PCDHGB6: variants seen among roughly 807,000 people sequenced by gnomAD.
The protein encoded by PCDHGB6 is protocadherin gamma-B6.
PCDHGB6 carries 51 observed loss-of-function variants against 59.1 expected under a neutral mutation model. The ratio of observed to expected loss-of-function variants is 0.86; its 90% CI spans 0.69 to 1.09. The LOEUF (loss-of-function observed/expected upper bound fraction) is 1.09. PCDHGB6 is among the 50% of genes least tolerant of loss of function. PCDHGB6 has a pLI of 0.00. For synonymous variants in PCDHGB6, 466 were observed against 495.1 expected, an observed-to-expected ratio of 0.94 and a Z score of 0.78; for missense variants, 1,148 against 1,205.1, an observed-to-expected ratio of 0.95 and a Z score of 0.70.
rs759191157 is a variant in PCDHGB6, at chr5:141,485,768, C to T, written c.2419-9039C>T. Reference sequence around the variant, plus strand: ...GGTCCCAGAGCTGCTCCTGGAGAAGCCTTTGGATCGAGAGAAGCAATCGGA... The same window carrying T: ...GGTCCCAGAGCTGCTCCTGGAGAAGTCTTTGGATCGAGAGAAGCAATCGGA... On this transcript the variant is annotated intron_variant, in intron 1 of 3. Transcript: ENST00000520790. This position sits in a 1 kb window ranked among gnomAD's most constrained non-coding sequence, Gnocchi z 5.7. The T allele has an allele frequency of 5.6e-6, 9 of 1,614,074 alleles. No individual in the cohort carries two copies. The highest frequency in any genetic ancestry group is 1.7e-5 in the Admixed American group (1 of 60,000).
chr5:141,422,575 C>G, intron 1 of PCDHGB6: 1 of 1,613,976 alleles, frequency 6.2e-7, no homozygotes, highest in Non-Finnish European at 8.5e-7. Flanking sequence ...CAACGATAAC[C>G]CTCCCGTTTT....
intron 1 of PCDHGB6, chr5:141,426,867 G>C (rs1436078091): frequency 2.2e-6 from 1 of 456,590 alleles, no homozygotes; most frequent in African/African-American, 2.0e-5. Flanking sequence ...ATTAGTGCTG[G>C]AGAAGCCCCT....
chr5:141,440,035 C>T, intron 1 of PCDHGB6: 1 of 153,140 alleles, frequency 6.5e-6, no homozygotes, highest in East Asian at 1.9e-4. Flanking sequence ...GTGTCGAGGA[C>T]ATGCCCACTT....
In PCDHGB6 at chr5:141,490,291, C is replaced by T; in HGVS notation, c.2419-4516C>T. 6.2e-7 allele frequency: 1 copy of T among 1,614,212 alleles called. No homozygotes were observed. Among genetic ancestry groups the T allele is most frequent in the Non-Finnish European group, 8.5e-7 (1 of 1,180,048 alleles). On this transcript the variant is annotated intron_variant, in intron 1 of 3. Transcript: ENST00000520790. The surrounding 1 kb of genome is among the most constrained non-coding windows in gnomAD (Gnocchi z 5.4). ...TGTCAATGACAATGCCCCAGAGGTG[C>T]TATTGGCCTCTTTGGCCAACCCTGT...
In PCDHGB6 at chr5:141,408,865, A is replaced by T. The variant is rs765751172; in HGVS notation, c.663A>T (p.Pro221=). 5.6e-6 allele frequency: 9 copies of T among 1,613,684 alleles called. No individual in the cohort carries two copies. Among genetic ancestry groups the T allele is most frequent in the Admixed American group, 1.7e-5 (1 of 59,982 alleles). The change falls in exon 1 of 4, where the codon CCA becomes CCT. Residue 221 remains proline (P), a synonymous_variant. Transcript: ENST00000520790. Reference sequence around the variant, plus strand: ...CTGCCTTGGACGGAGGGGACCCACCAAGAAGTGCCACCGCTCACATAGAAA... The same window carrying T: ...CTGCCTTGGACGGAGGGGACCCACCTAGAAGTGCCACCGCTCACATAGAAA... ...ILTALDGGDP[P]RSATAHIEIS...
Position 141,486,970 on chromosome 5 carries a change from T to G in PCDHGB6, c.2419-7837T>G, listed in dbSNP as rs754309905. 1 of 1,614,050 alleles carries G rather than the reference T, an allele frequency of 6.2e-7. No individual in the cohort carries two copies. Among genetic ancestry groups the G allele is most frequent in the African/African-American group, 1.3e-5 (1 of 74,904 alleles). ...CAAAGGTGACTGCTGTGGACTTGGATTCAGGTTACAATGCTTGGGTTTCCT... is the reference window on the plus strand; with the variant it reads ...CAAAGGTGACTGCTGTGGACTTGGAGTCAGGTTACAATGCTTGGGTTTCCT... On this transcript the variant is annotated intron_variant, in intron 1 of 3. Coordinates refer to ENST00000520790, the MANE Select transcript of PCDHGB6 (RefSeq NM_018926.3). This position sits in a 1 kb window ranked among gnomAD's most constrained non-coding sequence, Gnocchi z 5.0.
At chr5:141,502,169 G>A (rs1366413076) in intron 2 of PCDHGB6, among the ~76,000 whole-genome samples, 1 of 152,110 alleles carries the variant, frequency 6.6e-6, no homozygotes, top group African/African-American at 2.4e-5. Flanking sequence ...ATTCAGTTGA[G>A]GAATTTAACA....
intron 1 of PCDHGB6, among the ~76,000 whole-genome samples, chr5:141,453,643 T>G (rs1267570786): frequency 2.6e-5 from 4 of 152,240 alleles, no homozygotes; most frequent in Non-Finnish European, 5.9e-5. Flanking sequence ...TATATTTTCT[T>G]ATGTCCTCTT....
chr5:141,423,141 G>A, intron 1 of PCDHGB6: 1 of 1,613,580 alleles, frequency 6.2e-7, no homozygotes, highest in Non-Finnish European at 8.5e-7. Context: ...ACAGAGACGC[G>A]CTCAAGCAGA....
At chr5:141,424,720 G>A (rs530298674) in intron 1 of PCDHGB6, 4 of 152,090 alleles carry the variant, frequency 2.6e-5, no homozygotes, top group Non-Finnish European at 4.4e-5. Flanking sequence ...GTGTAGTTGG[G>A]AGTCATAGAT....
Position 141,427,950 on chromosome 5 carries a change from A to C in PCDHGB6, c.2418+17330A>C, listed in dbSNP as rs773336611. The stretch of plus-strand genomic sequence containing the variant: ...CATGTTGGTGGGCGACCTCAATGAC[A>C]ATGTGCCGCGGGTGCTGTACCCCGC... On this transcript the variant is annotated intron_variant, in intron 1 of 3. Transcript: ENST00000520790. 7 of 1,586,816 alleles carry C rather than the reference A, an allele frequency of 4.4e-6. No individual in the cohort carries two copies. The African/African-American group carries it at 8.1e-5, about 18-fold the overall frequency.
At chr5:141,447,520 T>C (rs1156521785) in intron 1 of PCDHGB6, among the ~76,000 whole-genome samples, 1 of 152,202 alleles carries the variant, frequency 6.6e-6, no homozygotes, top group Non-Finnish European at 1.5e-5. Context: ...ATAACAATCA[T>C]AACAAAATTG....
rs560368079 is a variant in PCDHGB6, at chr5:141,408,845, T to C, written c.643T>C (p.Leu215=). 3 of 1,613,670 alleles carry C rather than the reference T, an allele frequency of 1.9e-6. No individual in the cohort carries two copies. Among genetic ancestry groups the C allele is most frequent in the Non-Finnish European group, 8.5e-7 (1 of 1,179,820 alleles). The change falls in exon 1 of 4, where the codon TTG becomes CTG. Residue 215 remains leucine, a synonymous_variant. Transcript: ENST00000520790. ...QRSHSLILTA[L]DGGDPPRSAT... ...ATCTCATAGCTTGATATTGACTGCCTTGGACGGAGGGGACCCACCAAGAAG... is the reference window on the plus strand; with the variant it reads ...ATCTCATAGCTTGATATTGACTGCCCTGGACGGAGGGGACCCACCAAGAAG...
At chr5:141,410,807 T>C in intron 1 of PCDHGB6, 187 bp downstream of exon 1, 1 of 647,592 alleles carries the variant, frequency 1.5e-6, no homozygotes, top group Non-Finnish European at 2.4e-6. Flanking sequence ...CTCTATCTTT[T>C]TGTAAAATAA....
Position 141,431,205 on chromosome 5 carries a change from A to T in PCDHGB6, c.2418+20585A>T, listed in dbSNP as rs1438031040. ...AAAATTAGTGAAAATGCAGCCACTG[A>T]GATGCGGTTCCCTCTACCCCACGCC... On this transcript the variant is annotated intron_variant, in intron 1 of 3. Transcript: ENST00000520790. This position sits in a 1 kb window ranked among gnomAD's most constrained non-coding sequence, Gnocchi z 4.8. 1.1e-5 allele frequency: 18 copies of T among 1,614,092 alleles called. No homozygotes were observed. Among genetic ancestry groups the T allele is most frequent in the Non-Finnish European group, 1.5e-5 (18 of 1,180,056 alleles).
chr5:141,432,117 C>T lies in PCDHGB6; in HGVS notation c.2418+21497C>T, dbSNP rs761106133. The T allele has an allele frequency of 3.9e-5, 63 of 1,614,062 alleles. No individual in the cohort carries two copies. Among genetic ancestry groups the T allele is most frequent in the Non-Finnish European group, 4.2e-5 (50 of 1,180,048 alleles). On this transcript the variant is annotated intron_variant, in intron 1 of 3. Transcript: ENST00000520790. The surrounding 1 kb of genome is among the most constrained non-coding windows in gnomAD (Gnocchi z 6.0). ...ACCAACGACAACCCGCCGGTCTTCC[C>T]TCAGGCCTCCTATTCCGCTTATATC...
intron 2 of PCDHGB6, among the ~76,000 whole-genome samples, chr5:141,497,622 C>G (rs1434147255): frequency 6.6e-6 from 1 of 151,538 alleles, no homozygotes; most frequent in African/African-American, 2.4e-5. Context: ...TCACTGCAAC[C>G]TCTGCCTGCC....
At position 141,511,420 on chromosome 5, in the gene PCDHGB6, G is replaced by A; in HGVS notation, c.*247G>A. On this transcript the variant is annotated 3_prime_UTR_variant, in exon 4 of 4. Coordinates refer to ENST00000520790, the MANE Select transcript of PCDHGB6 (RefSeq NM_018926.3). ...TCCAATCAACTGCTGTACCCATGGG[G>A]GTAGTGGGGTTACTGTAGACACCAA... 2.4e-6 allele frequency: 2 copies of A among 830,862 alleles called. No individual in the cohort carries two copies. Among genetic ancestry groups the A allele is most frequent in the Non-Finnish European group, 1.8e-6 (1 of 557,336 alleles). The allele number at this position is 830,862 out of a possible 1,614,324, so 51.5% of individuals were successfully genotyped here.
At chr5:141,428,070 T>G (rs756684090) in intron 1 of PCDHGB6, 7 of 1,609,106 alleles carry the variant, frequency 4.4e-6, no homozygotes, top group Non-Finnish European at 5.1e-6. Context: ...GGACGCAGAT[T>G]CGGGACACAA....
Sources: allele counts gnomAD v4.1 joint callset (sites outside exome capture counted in the v4.1 genomes callset), GRCh38; gene constraint gnomAD v4.1.1; non-coding constraint Gnocchi (gnomAD v3.1); transcripts MANE v1.5; gene names NCBI Gene and HGNC (gene_info 2026-07-23, HGNC 2026-07-21).